The following TBC1D19 variants were observed in gnomAD, a reference collection of about 807,000 sequenced individuals.
TBC1D19 encodes TBC1 domain family member 19, also known as TBC1 domain family, member 19.
TBC1D19 carries 60 observed loss-of-function variants against 89.0 expected under a neutral mutation model. The ratio of observed to expected loss-of-function variants is 0.67; its 90% CI spans 0.55 to 0.84. The LOEUF (loss-of-function observed/expected upper bound fraction) is 0.84, where lower values mean the gene tolerates loss of function less well. Ranked by LOEUF, TBC1D19 falls within the 40% of genes least tolerant of loss-of-function variation. TBC1D19 has a pLI of 0.00. For synonymous variants in TBC1D19, 189 were observed against 199.7 expected (o/e 0.95, Z 0.45); for missense variants, 500 against 610.8 (o/e 0.82, Z 1.91).
At chr4:26,650,470 T>C (rs1744285784) in intron 7 of TBC1D19, among the ~76,000 whole-genome samples, 1 of 152,246 alleles carries the variant, frequency 6.6e-6, no homozygotes, top group Non-Finnish European at 1.5e-5. Context: ...CCAGTGATGA[T>C]GAGCATTTTT....
chr4:26,748,847 G>A (rs905906448), intron 19 of TBC1D19, among the ~76,000 whole-genome samples: 1 of 152,098 alleles, frequency 6.6e-6, no homozygotes, highest in Non-Finnish European at 1.5e-5. Flanking sequence ...GCAGCAGAGT[G>A]TAGATATACT....
chr4:26,767,463 A>G, the TBC1D19 span, among the ~76,000 whole-genome samples: 1 of 152,086 alleles, frequency 6.6e-6, no homozygotes, highest in Non-Finnish European at 1.5e-5. Flanking sequence ...CTAACCTCCA[A>G]TGTGATGGTA....
intron 4 of TBC1D19, among the ~76,000 whole-genome samples, chr4:26,625,255 T>C (rs1742319915): frequency 6.6e-6 from 1 of 152,138 alleles, no homozygotes; most frequent in Non-Finnish European, 1.5e-5. Flanking sequence ...TTCTGCTAAA[T>C]ACTAACCTTG....
At chr4:26,592,319 G>A (rs1739871087) in intron 1 of TBC1D19, among the ~76,000 whole-genome samples, 1 of 152,106 alleles carries the variant, frequency 6.6e-6, no homozygotes. Flanking sequence ...AATAAATTAG[G>A]TATTGATGGG....
In TBC1D19 at chr4:26,653,117, C is replaced by T. The variant is rs28792148; in HGVS notation, c.481-6480C>T. On this transcript the variant is annotated intron_variant, in intron 7 of 20. Coordinates refer to ENST00000264866, the MANE Select transcript of TBC1D19 (RefSeq NM_018317.4). ...AACATCTTTATTTCTGCCTTCATTT[C>T]GTTATGTACCCAGTAGTCACTCAGG... 6.4e-3 allele frequency among the ~76,000 whole-genome samples: 978 copies of T among 152,248 alleles called. 9 individuals are homozygous for T. The highest frequency in any genetic ancestry group is 0.022 in the African/African-American group (921 of 41,546).
At chr4:26,589,417 G>A (rs1305186693) in intron 1 of TBC1D19, among the ~76,000 whole-genome samples, 1 of 152,150 alleles carries the variant, frequency 6.6e-6, no homozygotes, top group Non-Finnish European at 1.5e-5. Flanking sequence ...CTCCTTGCCT[G>A]TTCCTCAGGG....
intron 7 of TBC1D19, among the ~76,000 whole-genome samples, chr4:26,652,250 C>T (rs1475554814): frequency 1.3e-5 from 2 of 152,128 alleles, no homozygotes; most frequent in East Asian, 1.9e-4. Flanking sequence ...GGAGGATTCC[C>T]TCTTTTTCTA....
the TBC1D19 span, among the ~76,000 whole-genome samples, chr4:26,815,954 T>A: frequency 1.3e-5 from 2 of 152,184 alleles, no homozygotes; most frequent in African/African-American, 2.4e-5. Context: ...GAATGAATGC[T>A]CCCTGTGTGT....
At chr4:26,757,278 G>T (rs555740781), downstream of TBC1D19, among the ~76,000 whole-genome samples, 1 of 152,162 alleles carries the variant, frequency 6.6e-6, no homozygotes, top group Non-Finnish European at 1.5e-5. Context: ...GCCTTCCAAA[G>T]TGCTGGGATT....
At chr4:26,579,888 A>G (rs183048360), upstream of TBC1D19, among the ~76,000 whole-genome samples, 1 of 152,334 alleles carries the variant, frequency 6.6e-6, no homozygotes, top group Admixed American at 6.5e-5. Flanking sequence ...GACTGCGGCG[A>G]TAAGCCAGGG....
At chr4:26,800,738 G>C in the TBC1D19 span, among the ~76,000 whole-genome samples, 3 of 152,230 alleles carry the variant, frequency 2.0e-5, no homozygotes, top group South Asian at 4.2e-4. Flanking sequence ...GTTTTGATTT[G>C]CATTTCTCTG....
chr4:26,837,133 T>C, the TBC1D19 span, among the ~76,000 whole-genome samples: 49 of 152,242 alleles, frequency 3.2e-4, no homozygotes, highest in Admixed American at 5.9e-4. Flanking sequence ...GGTTAGGGCA[T>C]AGTGAATGAA....
chr4:26,826,888 T>G, the TBC1D19 span, among the ~76,000 whole-genome samples: 1 of 152,080 alleles, frequency 6.6e-6, no homozygotes, highest in African/African-American at 2.4e-5. Context: ...AAATAATAAC[T>G]GTTATGAAAC....
At chr4:26,845,898 C>T in the TBC1D19 span, among the ~76,000 whole-genome samples, 1 of 152,286 alleles carries the variant, frequency 6.6e-6, no homozygotes, top group East Asian at 1.9e-4. Context: ...TTATCTCCCA[C>T]CAAGTCTCTC....
chr4:26,851,518 A>G, the TBC1D19 span, among the ~76,000 whole-genome samples: 1 of 152,204 alleles, frequency 6.6e-6, no homozygotes, highest in African/African-American at 2.4e-5. Flanking sequence ...TTACTGTGAA[A>G]TGATCTCCTT....
At chr4:26,758,402 G>A (rs1190708193), downstream of TBC1D19, among the ~76,000 whole-genome samples, 1 of 152,062 alleles carries the variant, frequency 6.6e-6, no homozygotes, top group East Asian at 1.9e-4. Context: ...TTCCACAAAT[G>A]CTCTGATTTT....
intron 18 of TBC1D19, 108 bp from the exon 19 acceptor site, chr4:26,748,303 G>C (rs1277468850): frequency 1.4e-6 from 1 of 737,760 alleles, no homozygotes; most frequent in Non-Finnish European, 2.3e-6. Flanking sequence ...TAAATGCCCA[G>C]GTGATTTCTA....
At chr4:26,673,475 A>ACACACAC (rs1560463426) in intron 10 of TBC1D19, among the ~76,000 whole-genome samples, 6 of 148,040 alleles carry the variant, frequency 4.1e-5, no homozygotes, top group South Asian at 2.2e-4. Flanking sequence ...ACACACACAC[A>ACACACAC]ATACTAGTTT....
chr4:26,669,457 A>C (rs1045403661), intron 9 of TBC1D19, among the ~76,000 whole-genome samples: 2 of 151,858 alleles, frequency 1.3e-5, no homozygotes, highest in African/African-American at 4.8e-5. Context: ...ATATAGGTGC[A>C]TCTGTTAACA....
Sources: allele counts gnomAD v4.1 joint callset (sites outside exome capture counted in the v4.1 genomes callset), GRCh38; gene constraint gnomAD v4.1.1; transcripts MANE v1.5; gene names NCBI Gene and HGNC (gene_info 2026-07-23, HGNC 2026-07-21).